The following RASSF4 variants were observed in gnomAD, a reference collection of about 807,000 sequenced individuals.
The protein encoded by RASSF4 is ras association domain-containing protein 4.
Under a neutral mutation model 41.1 loss-of-function variants are expected in RASSF4, and 38 were observed. The ratio of observed to expected loss-of-function variants is 0.92; its 90% CI spans 0.71 to 1.21. The LOEUF (loss-of-function observed/expected upper bound fraction) is 1.21. Among genes scored for constraint, RASSF4 ranks in the 50% most tolerant of loss-of-function variants. The pLI, the probability that RASSF4 is intolerant of heterozygous loss-of-function variation, is 0.00. For missense variants in RASSF4, 414 were observed against 419.4 expected, an observed-to-expected ratio of 0.99 and a Z score of 0.11; for synonymous variants, 179 against 163.4, an observed-to-expected ratio of 1.10 and a Z score of -0.73.
intron 6 of RASSF4, among the ~76,000 whole-genome samples, chr10:44,987,192 C>A (rs1408160719): frequency 6.6e-6 from 1 of 152,186 alleles, no homozygotes; most frequent in Non-Finnish European, 1.5e-5. Context: ...GCAACCTCCA[C>A]CTCCTAGGTT....
Position 44,970,236 on chromosome 10 carries a change from C to G in RASSF4, c.34C>G (p.Pro12Ala). 6.2e-7 allele frequency: 1 copy of G among 1,613,978 alleles called. No individual in the cohort carries two copies. The highest frequency in any genetic ancestry group is 1.1e-5 in the South Asian group (1 of 91,080). The change falls in exon 2 of 11, where the codon CCC becomes GCC. Residue 12 changes from proline to alanine, a missense_variant. Physicochemically the swap from Pro to Ala is conservative, Grantham distance 27. Transcript: ENST00000340258. ...KEDCLPSSHV[P>A]ISDSKSIQKS... ...AGACTGTCTGCCGAGTTCTCACGTG[C>G]CCATCAGTGACAGCAAGTCCATTCA...
chr10:44,991,258 C>T (rs2132806771), intron 9 of RASSF4, 189 bp downstream of exon 9: 1 of 464,282 alleles, frequency 2.2e-6, no homozygotes, highest in South Asian at 6.5e-5. Flanking sequence ...ACCGCCAGCA[C>T]CAGCAGCTTA....
At chr10:44,979,161 C>T (rs745675617) in intron 3 of RASSF4, among the ~76,000 whole-genome samples, 1 of 152,108 alleles carries the variant, frequency 6.6e-6, no homozygotes, top group Non-Finnish European at 1.5e-5. Context: ...TGGGCCAGGT[C>T]CTTGGCAACT....
chr10:44,979,787 G>A (rs1031958409), intron 3 of RASSF4, among the ~76,000 whole-genome samples: 3 of 152,082 alleles, frequency 2.0e-5, no homozygotes, highest in South Asian at 2.1e-4. Context: ...TAGGAGGGAG[G>A]GAAAGACTGC....
At chr10:44,979,880 G>T (rs567165675) in intron 3 of RASSF4, among the ~76,000 whole-genome samples, 57 of 152,176 alleles carry the variant, frequency 3.7e-4, no homozygotes, top group African/African-American at 1.4e-3. Flanking sequence ...GGCTGGGGCT[G>T]GGGGGCTGCC....
At chr10:44,974,203 T>A (rs2132775094) in intron 3 of RASSF4, among the ~76,000 whole-genome samples, 1 of 152,300 alleles carries the variant, frequency 6.6e-6, no homozygotes, top group Middle Eastern at 3.4e-3. Context: ...GGCAGGGCCA[T>A]CCCAGGCCAG....
rs756819453 is a variant in RASSF4 at position 44,989,722 on chromosome 10, G to T, written c.685+1G>T. On this transcript the variant is annotated splice_donor_variant, in intron 8 of 10. Transcript: ENST00000340258. LOFTEE classifies it high-confidence loss of function. ...CTCTACATCGTTCACGAGTCTGGGG[G>T]TAAGTACCTGCCCCACTTCTGGATC... The T allele has an allele frequency of 6.2e-7, 1 of 1,613,804 alleles. No individual in the cohort carries two copies. The highest frequency in any genetic ancestry group is 8.5e-7 in the Non-Finnish European group (1 of 1,179,660).
chr10:44,966,837 T>TAG (rs1840921862), intron 1 of RASSF4, among the ~76,000 whole-genome samples: 1 of 152,188 alleles, frequency 6.6e-6, no homozygotes, highest in Non-Finnish European at 1.5e-5. Context: ...TTATGACCCC[T>TAG]AGCTTCTTAT....
At chr10:44,960,558 G>A (rs1338766540) in intron 1 of RASSF4, among the ~76,000 whole-genome samples, 3 of 152,182 alleles carry the variant, frequency 2.0e-5, no homozygotes, top group Non-Finnish European at 2.9e-5. Context: ...CCTGACTCCG[G>A]TCCCATCCTG....
intron 4 of RASSF4, 22 bp downstream of exon 4, chr10:44,982,685 T>C (rs764261737): frequency 6.2e-7 from 1 of 1,609,154 alleles, no homozygotes; most frequent in South Asian, 1.1e-5. Context: ...GTGGCTTCTG[T>C]GACACCTGCT....
intron 3 of RASSF4, 124 bp downstream of exon 3, chr10:44,971,972 AATAAGTT>A (rs1841190009): frequency 6.1e-6 from 4 of 658,050 alleles, no homozygotes; most frequent in Non-Finnish European, 1.1e-5. Flanking sequence ...TAGTTTGGAC[AATAAGTT>A]ATATGGTCAC....
intron 3 of RASSF4, among the ~76,000 whole-genome samples, chr10:44,973,985 T>G (rs1225797564): frequency 6.8e-6 from 1 of 146,294 alleles, no homozygotes; most frequent in Non-Finnish European, 1.5e-5. Context: ...TTCAGGAAAA[T>G]TCTGTAGCCT....
intron 4 of RASSF4, chr10:44,983,119 G>T: frequency 2.7e-6 from 1 of 375,424 alleles, no homozygotes; most frequent in Admixed American, 3.2e-5. Context: ...TAATGTTTCT[G>T]TCAGGAGGAA....
At chr10:44,968,643 G>A in intron 1 of RASSF4, among the ~76,000 whole-genome samples, 1 of 152,202 alleles carries the variant, frequency 6.6e-6, no homozygotes, top group East Asian at 1.9e-4. Context: ...GAGCAAACTG[G>A]ACTGGTCCAA....
intron 3 of RASSF4, among the ~76,000 whole-genome samples, chr10:44,975,118 C>A (rs1297786490): frequency 6.6e-6 from 1 of 151,968 alleles, no homozygotes. Flanking sequence ...CCGGGGCGCC[C>A]CCTGGTGACC....
chr10:44,990,726 A>T, intron 8 of RASSF4: 1 of 414,176 alleles, frequency 2.4e-6, no homozygotes, highest in Non-Finnish European at 4.3e-6. Context: ...CTCAATTGCC[A>T]GCCGCTCCAC....
At position 44,991,948 on chromosome 10, in the gene RASSF4, T is replaced by C. The variant is rs1842128720; in HGVS notation, c.851T>C (p.Phe284Ser). The C allele has an allele frequency of 8.7e-6, 14 of 1,613,766 alleles. No homozygotes were observed. In the South Asian group the frequency reaches 9.9e-5, roughly 11 times the overall value. Residue 284 changes from phenylalanine to serine, a missense_variant, in exon 10 of 11, where the codon TTT (phenylalanine) becomes TCT (serine). Physicochemically the swap from Phe to Ser is radical, Grantham distance 155. Coordinates refer to ENST00000340258, the MANE Select transcript of RASSF4 (RefSeq NM_032023.4). ...IKFEMPVLDS[F>S]VEKLKEEEER... ...TTTGAAATGCCGGTGCTGGACAGTT[T>C]TGTTGAAAAATTAAAAGAAGAGGAA...
At chr10:44,975,950 T>C (rs1218788991) in intron 3 of RASSF4, among the ~76,000 whole-genome samples, 1 of 152,028 alleles carries the variant, frequency 6.6e-6, no homozygotes, top group East Asian at 1.9e-4. Context: ...GAAGGGGCTG[T>C]AGTGAGGCTG....
chr10:44,975,018 G>A (rs986402076), intron 3 of RASSF4, among the ~76,000 whole-genome samples: 1 of 152,016 alleles, frequency 6.6e-6, no homozygotes, highest in Non-Finnish European at 1.5e-5. Context: ...TAAACCCATG[G>A]CTCTGGACAA....
Sources: allele counts gnomAD v4.1 joint callset (sites outside exome capture counted in the v4.1 genomes callset), GRCh38; gene constraint gnomAD v4.1.1; transcripts MANE v1.5; gene names NCBI Gene and HGNC (gene_info 2026-07-23, HGNC 2026-07-21).